Variants in SLC45A1 observed in about 807,000 individuals in gnomAD.
SLC45A1 encodes solute carrier family 45 member 1, also known as proton-associated sugar transporter A.
Under a neutral mutation model 57.6 loss-of-function variants are expected in SLC45A1, and 28 were observed. The observed-to-expected ratio is 0.49, with a 90% CI of 0.36 to 0.67. The LOEUF is 0.67. SLC45A1 is among the 30% of genes least tolerant of loss of function. The pLI, the probability that SLC45A1 is intolerant of heterozygous loss-of-function variation, is 0.00. For missense variants in SLC45A1, 814 were observed against 1,041.5 expected (o/e 0.78, Z 3.01); for synonymous variants, 459 against 471.5 (o/e 0.97, Z 0.34).
At chr1:8,321,845 T>A (rs1351356540) in intron 1 of SLC45A1, among the ~76,000 whole-genome samples, 1 of 148,980 alleles carries the variant, frequency 6.7e-6, no homozygotes, top group African/African-American at 2.5e-5. Flanking sequence ...GATGAATGGA[T>A]GTGTGGGTGA....
At position 8,343,593 on chromosome 1, in the gene SLC45A1, C is replaced by G. The variant is rs544861511; in HGVS notation, c.1981-154C>G. ...CTCCGAACACAAATATTGTTAAACT[C>G]TTGGCTGAACTCCCTGTGCATGTTG... On this transcript the variant is annotated intron_variant, in intron 8 of 8. Coordinates refer to ENST00000471889, the MANE Select transcript of SLC45A1 (RefSeq NM_001080397.3). This position sits in a 1 kb window ranked among gnomAD's most constrained non-coding sequence, Gnocchi z 7.7. Among the ~76,000 whole-genome samples, 8 of 152,308 alleles carry G rather than the reference C, an allele frequency of 5.3e-5. No homozygotes were observed. Among genetic ancestry groups the G allele is most frequent in the South Asian group, 4.1e-4 (2 of 4,828 alleles).
chr1:8,325,235 T>A lies in SLC45A1; in HGVS notation c.398-63T>A. The A allele has an allele frequency of 9.7e-7, 1 of 1,035,824 alleles. No homozygotes were observed. Among genetic ancestry groups the A allele is most frequent in the Non-Finnish European group, 1.5e-6 (1 of 663,226 alleles). 64.2% of individuals were successfully genotyped at this position (1,035,824 alleles called of 1,614,324 possible). On this transcript the variant is annotated intron_variant, in intron 2 of 8. Coordinates refer to ENST00000471889, the MANE Select transcript of SLC45A1 (RefSeq NM_001080397.3). The surrounding 1 kb of genome is among the most constrained non-coding windows in gnomAD (Gnocchi z 6.3). ...GCAGGCACTTCAGGAATGTGGAGGCTGATTCGATGTCCCCATGTGCCATGG... is the reference window on the plus strand; with the variant it reads ...GCAGGCACTTCAGGAATGTGGAGGCAGATTCGATGTCCCCATGTGCCATGG...
chr1:8,343,850 T>TG lies in SLC45A1; in HGVS notation c.2088dup (p.Pro697AlafsTer34). On this transcript the variant is annotated frameshift_variant, in exon 9 of 9. Coordinates refer to ENST00000471889, the MANE Select transcript of SLC45A1 (RefSeq NM_001080397.3). LOFTEE classifies it high-confidence loss of function. This position sits in a 1 kb window ranked among gnomAD's most constrained non-coding sequence, Gnocchi z 7.7. ...GCTCAGATTCTGGTCTCCCTGGTCC[T>TG]GGGGCCCCTGACCTCGGCCGTGGGC... 1 of 1,614,184 alleles carries TG rather than the reference T, an allele frequency of 6.2e-7. No homozygotes were observed. The highest frequency in any genetic ancestry group is 8.5e-7 in the Non-Finnish European group (1 of 1,180,004).
At chr1:8,323,120 A>G (rs1640082659) in intron 1 of SLC45A1, among the ~76,000 whole-genome samples, 1 of 152,022 alleles carries the variant, frequency 6.6e-6, no homozygotes, top group African/African-American at 2.4e-5. Flanking sequence ...GCGGGAGGGG[A>G]GTGGAAGGAT....
chr1:8,337,618 C>T (rs1183517943), intron 6 of SLC45A1, among the ~76,000 whole-genome samples, 198 bp from the exon 7 acceptor site: 1 of 152,150 alleles, frequency 6.6e-6, no homozygotes, highest in Non-Finnish European at 1.5e-5. Context: ...CGGGGTTTCA[C>T]CATGTTAGCC....
At chr1:8,320,168 T>C (rs1157491313) in intron 1 of SLC45A1, among the ~76,000 whole-genome samples, 1 of 152,196 alleles carries the variant, frequency 6.6e-6, no homozygotes, top group Non-Finnish European at 1.5e-5. Flanking sequence ...TAAGCTAGGT[T>C]TAATTCTGGT....
chr1:8,335,300 A>G lies in SLC45A1; in HGVS notation c.1444-137A>G, dbSNP rs1156542394. On this transcript the variant is annotated intron_variant, in intron 5 of 8. Transcript: ENST00000471889. This position sits in a 1 kb window ranked among gnomAD's most constrained non-coding sequence, Gnocchi z 4.1. ...TGAGGTTGGCGTCGACACGGGGCTC[A>G]TGCCGTCAGATAAGAAGACAGACCC... is the stretch of plus-strand genomic sequence containing the variant. 1.2e-6 allele frequency: 1 copy of G among 836,020 alleles called. No homozygotes were observed. The highest frequency in any genetic ancestry group is 2.9e-5 in the Admixed American group (1 of 34,394). 51.8% of individuals were successfully genotyped at this position (836,020 alleles called of 1,614,324 possible).
In SLC45A1 at chr1:8,328,377, C is replaced by T. The variant is rs754886768; in HGVS notation, c.716-1832C>T. 2.6e-5 allele frequency among the ~76,000 whole-genome samples: 4 copies of T among 152,182 alleles called. No individual in the cohort carries two copies. On this transcript the variant is annotated intron_variant, in intron 4 of 8. Coordinates refer to ENST00000471889, the MANE Select transcript of SLC45A1 (RefSeq NM_001080397.3). The surrounding 1 kb of genome is among the most constrained non-coding windows in gnomAD (Gnocchi z 4.6). ...GGTCGCATCTCCTGGAAAATGTTGC[C>T]GCTTCTCTTCCTCTTTCCACACGTG...
chr1:8,339,614 G>A lies in SLC45A1; in HGVS notation c.1896G>A (p.Ser632=), dbSNP rs61740586. 5,530 of 1,614,188 alleles carry A rather than the reference G, an allele frequency of 3.4e-3. 158 individuals carry two copies. In the African/African-American group the frequency reaches 0.063, roughly 18 times the overall value. Residue 632 remains serine, a synonymous_variant, in exon 8 of 9, where the codon TCG becomes TCA. Coordinates refer to ENST00000471889, the MANE Select transcript of SLC45A1 (RefSeq NM_001080397.3). The part of the protein sequence containing the change: ...TLSRNLYVVL[S]LCITYGILFS... The stretch of plus-strand genomic sequence containing the variant: ...CCAGGAACCTCTACGTGGTCCTGTC[G>A]CTCTGCATAACCTACGGGATTTTAT...
chr1:8,337,564 A>G (rs1034610118), intron 6 of SLC45A1, among the ~76,000 whole-genome samples: 1 of 151,996 alleles, frequency 6.6e-6, no homozygotes, highest in Non-Finnish European at 1.5e-5. Context: ...GACTACAGGC[A>G]CCCACCACCA....
At chr1:8,320,692 T>TCTACACACACACACAC (rs1254589597) in intron 1 of SLC45A1, among the ~76,000 whole-genome samples, 4 of 101,314 alleles carry the variant, frequency 3.9e-5, no homozygotes, top group African/African-American at 1.3e-4. Context: ...TCTCTCTCTC[T>TCTACACACACACACAC]ACACACACAC....
rs200084739 is a variant in SLC45A1, at chr1:8,330,649, G to A, written c.1156G>A (p.Asp386Asn). The A allele has an allele frequency of 1.2e-5, 20 of 1,613,284 alleles. No individual in the cohort carries two copies. The highest frequency in any genetic ancestry group is 4.0e-5 in the African/African-American group (3 of 74,926). The change falls in exon 5 of 9, where the codon GAC (aspartate) becomes AAC (asparagine). Residue 386 changes from aspartate to asparagine, a missense_variant. Transcript: ENST00000471889. This position sits in a 1 kb window ranked among gnomAD's most constrained non-coding sequence, Gnocchi z 8.4. ...VLIDCFTGGH[D>N]SYLAIPGSVP... ...CATTGACTGCTTCACGGGCGGCCAC[G>A]ACAGCTACCTGGCCATCCCTGGCAG...
Position 8,335,392 on chromosome 1 carries a change from AT to A in SLC45A1, c.1444-44del. On this transcript the variant is annotated intron_variant, in intron 5 of 8. Transcript: ENST00000471889. This position sits in a 1 kb window ranked among gnomAD's most constrained non-coding sequence, Gnocchi z 4.1. ...AGCAGAGCAGGGTCTGCGCTGTGTG[AT>A]GGGGGTGCGGGGCTCTGATGAGGGG... 1 of 1,539,522 alleles carries A rather than the reference AT, an allele frequency of 6.5e-7. No individual in the cohort carries two copies. The highest frequency in any genetic ancestry group is 8.7e-7 in the Non-Finnish European group (1 of 1,146,814).
In SLC45A1 at chr1:8,324,529, C is replaced by T. The variant is rs762970161; in HGVS notation, c.200C>T (p.Pro67Leu). 9.3e-6 allele frequency: 15 copies of T among 1,610,820 alleles called. No individual in the cohort carries two copies. The highest frequency in any genetic ancestry group is 1.2e-5 in the Non-Finnish European group (14 of 1,178,556). ...TCCCCACCCCCGCCCCCCAACACCC[C>T]GTGCCCGCTTGAGCTGGTGGACTTC... ...RPSPPPPPNT[P>L]CPLELVDFGD... is the part of the protein sequence containing the mutation. Residue 67 changes from proline (P) to leucine (L), a missense_variant, in exon 2 of 9, where the codon CCG (proline) becomes CTG (leucine). Transcript: ENST00000471889.
chr1:8,320,077 A>G (rs1335688309), intron 1 of SLC45A1, among the ~76,000 whole-genome samples: 2 of 152,198 alleles, frequency 1.3e-5, no homozygotes, highest in Non-Finnish European at 2.9e-5. Flanking sequence ...TTTTTACTAA[A>G]TGTAGTTTTA....
At chr1:8,329,830 G>T (rs2124302097) in intron 4 of SLC45A1, among the ~76,000 whole-genome samples, 1 of 152,342 alleles carries the variant, frequency 6.6e-6, no homozygotes, top group African/African-American at 2.4e-5. Flanking sequence ...GTGAGCCATG[G>T]GGTCGGCCCT....
At chr1:8,324,754 GA>G in intron 2 of SLC45A1, 28 bp downstream of exon 2, 1 of 1,544,598 alleles carries the variant, frequency 6.5e-7, no homozygotes, top group Non-Finnish European at 8.7e-7. Flanking sequence ...CCCGATGGTG[GA>G]GGGCCTCTGG....
intron 1 of SLC45A1, among the ~76,000 whole-genome samples, chr1:8,322,611 T>C (rs1273939971): frequency 6.6e-6 from 1 of 152,102 alleles, no homozygotes; most frequent in African/African-American, 2.4e-5. Context: ...TCATAAATAA[T>C]TTATTGTCTA....
chr1:8,319,709 TTTGTTG>T (rs528546014), intron 1 of SLC45A1, among the ~76,000 whole-genome samples: 11 of 152,130 alleles, frequency 7.2e-5, no homozygotes, highest in East Asian at 1.9e-4. Context: ...AAAATGGATT[TTTGTTG>T]TTGTTGTTGT....
Sources: gnomAD v4.1 joint callset for allele counts (sites outside exome capture counted in the v4.1 genomes callset) on GRCh38, gnomAD v4.1.1 for gene constraint, Gnocchi (gnomAD v3.1) non-coding constraint, MANE v1.5 for transcripts, NCBI Gene and HGNC (gene_info 2026-07-23, HGNC 2026-07-21) for gene names.